Variants in TTC27 observed in about 807,000 individuals in gnomAD.
TTC27 encodes tetratricopeptide repeat protein 27.
TTC27 carries 79 observed loss-of-function variants against 115.9 expected under a neutral mutation model. The ratio of observed to expected loss-of-function variants is 0.68; its 90% confidence interval spans 0.57 to 0.82. The LOEUF (loss-of-function observed/expected upper bound fraction) is 0.82. Ranked by LOEUF, TTC27 falls within the 40% of genes least tolerant of loss-of-function variation. The probability of loss-of-function intolerance (pLI) is 0.00; values close to 1 mark genes in which losing one functional copy is unlikely to be tolerated. For synonymous variants in TTC27, 401 were observed against 356.0 expected (o/e 1.13, Z -1.42); for missense variants, 1,054 against 993.1 (o/e 1.06, Z -0.82).
At chr2:32,744,696 G>A (rs572798993) in intron 12 of TTC27, among the ~76,000 whole-genome samples, 1 of 152,270 alleles carries the variant, frequency 6.6e-6, no homozygotes, top group South Asian at 2.1e-4. Context: ...TGTTAGTTTA[G>A]CTTGTTCATG....
In TTC27 at chr2:32,811,053, T is replaced by A; in HGVS notation, c.2028T>A (p.Ile676=). The A allele has an allele frequency of 6.2e-7, 1 of 1,614,170 alleles. No individual in the cohort carries two copies. The highest frequency in any genetic ancestry group is 1.1e-5 in the South Asian group (1 of 91,078). ...TTAAAATTCTAGTCAGGGCAGTGAT[T>A]GATGGGATGACTGATCGAAGTGGAG... ...QVLKILVRAV[I]DGMTDRSGDV... The change falls in exon 17 of 20, where the codon ATT becomes ATA. Residue 676 remains isoleucine (I), a synonymous_variant. Transcript: ENST00000317907.
chr2:32,689,278 G>A (rs1666736944), intron 9 of TTC27, among the ~76,000 whole-genome samples: 1 of 152,054 alleles, frequency 6.6e-6, no homozygotes, highest in Admixed American at 6.6e-5. Flanking sequence ...TGTCAAAACA[G>A]GTCACAATAC....
At chr2:32,815,210 A>G (rs984526498) in intron 18 of TTC27, among the ~76,000 whole-genome samples, 13 of 136,362 alleles carry the variant, frequency 9.5e-5, no homozygotes, top group Non-Finnish European at 1.5e-4. Context: ...TAGAGGAGGC[A>G]CTGCTGCTTC....
rs114327773 is a variant in TTC27 at position 32,758,922 on chromosome 2, A to T, written c.1680+403A>T. Among the ~76,000 whole-genome samples the T allele has an allele frequency of 2.8e-3, 434 of 152,306 alleles. 3 individuals carry two copies. The highest frequency in any genetic ancestry group is 9.1e-3 in the African/African-American group (379 of 41,570). On this transcript the variant is annotated intron_variant, in intron 13 of 19. Transcript: ENST00000317907. ...AAAGAAAAACCTTTATATAAATAGG[A>T]TAGCATATAGAATGGATTCTTGATC...
At chr2:32,713,203 G>A (rs1001002323) in intron 10 of TTC27, among the ~76,000 whole-genome samples, 3 of 152,054 alleles carry the variant, frequency 2.0e-5, no homozygotes, top group African/African-American at 4.8e-5. Flanking sequence ...ATCTCTGCTC[G>A]TTATAGGTGA....
intron 13 of TTC27, among the ~76,000 whole-genome samples, chr2:32,767,714 G>T (rs573254520): frequency 6.6e-6 from 1 of 151,870 alleles, no homozygotes; most frequent in Admixed American, 6.5e-5. Flanking sequence ...ACCCGCCTCG[G>T]CCTCCCAAAG....
At chr2:32,634,918 A>G (rs1442344567) in intron 3 of TTC27, among the ~76,000 whole-genome samples, 1 of 152,036 alleles carries the variant, frequency 6.6e-6, no homozygotes, top group African/African-American at 2.4e-5. Context: ...CAGCCTCCCA[A>G]AGTGCTGGGT....
In TTC27 at chr2:32,712,705, G is replaced by A. The variant is rs1253329739; in HGVS notation, c.1233+9785G>A. Among the ~76,000 whole-genome samples the A allele has an allele frequency of 6.6e-5, 10 of 151,890 alleles. No individual in the cohort carries two copies. In the South Asian group the frequency reaches 8.3e-4, roughly 13 times the overall value. ...CCCAACTACAGGTGTGCGTCACCACGTCTGTCAATTTTTGTATTTTTTATA... is the reference window on the plus strand; with the variant it reads ...CCCAACTACAGGTGTGCGTCACCACATCTGTCAATTTTTGTATTTTTTATA... On this transcript the variant is annotated intron_variant, in intron 10 of 19. Coordinates refer to ENST00000317907, the MANE Select transcript of TTC27 (RefSeq NM_017735.5).
chr2:32,699,828 A>ACC (rs1667120879), intron 9 of TTC27, among the ~76,000 whole-genome samples: 2 of 152,244 alleles, frequency 1.3e-5, no homozygotes, highest in South Asian at 4.1e-4. Flanking sequence ...TCTTATTTTC[A>ACC]GTATTTAGTG....
At chr2:32,681,980 ATGTGTGTG>A (rs70938359) in intron 9 of TTC27, among the ~76,000 whole-genome samples, 2,709 of 89,956 alleles carry the variant, frequency 0.03, 41 homozygotes, top group Middle Eastern at 0.091. Context: ...ATGTATATAT[ATGTGTGTG>A]TGTGTGTGTG....
rs113989357 is a variant in TTC27 at position 32,664,330 on chromosome 2, A to T, written c.668A>T (p.Asp223Val). 3 of 1,606,422 alleles carry T rather than the reference A, an allele frequency of 1.9e-6. No homozygotes were observed. The Admixed American group carries it at 5.1e-5, about 27-fold the overall frequency. Reference protein sequence around the residue: ...QVMKLQNLFVDDSGRYLAIQF... With the variant: ...QVMKLQNLFVVDSGRYLAIQF... ...ATGAAACTACAGAATCTGTTTGTAG[A>T]TGATTCAGGTCGATATTTGGCTATT... The change falls in exon 6 of 20, where the codon GAT becomes GTT. Residue 223 changes from aspartate to valine, a missense_variant. By Grantham distance (152) the Asp-to-Val change is radical. Transcript: ENST00000317907.
intron 16 of TTC27, among the ~76,000 whole-genome samples, chr2:32,797,796 A>G (rs935326343): frequency 2.6e-5 from 4 of 152,246 alleles, no homozygotes; most frequent in Non-Finnish European, 5.9e-5. Context: ...TTTGTGCACC[A>G]AAAACAGTAT....
rs146318970 is a variant in TTC27 at position 32,637,093 on chromosome 2, A to G, written c.396+3088A>G. On this transcript the variant is annotated intron_variant, in intron 3 of 19. Transcript: ENST00000317907. ...TAAAAGAGCATATGAAATGTATACAATTTAAATAATAAATCTCCTTTGTAC... is the reference window on the plus strand; with the variant it reads ...TAAAAGAGCATATGAAATGTATACAGTTTAAATAATAAATCTCCTTTGTAC... Among the ~76,000 whole-genome samples the G allele has an allele frequency of 4.3e-4, 65 of 152,336 alleles. 2 individuals are homozygous for G. In the East Asian group the frequency reaches 0.012, roughly 28 times the overall value.
At chr2:32,685,021 T>C (rs1666582099) in intron 9 of TTC27, among the ~76,000 whole-genome samples, 1 of 146,958 alleles carries the variant, frequency 6.8e-6, no homozygotes, top group African/African-American at 2.5e-5. Flanking sequence ...TTTCCTTTTT[T>C]TTTTTTTTTT....
chr2:32,707,691 G>A (rs770055747), intron 10 of TTC27, among the ~76,000 whole-genome samples: 2 of 152,008 alleles, frequency 1.3e-5, no homozygotes, highest in Non-Finnish European at 2.9e-5. Flanking sequence ...AGTTTAGGTC[G>A]CTCTATTGAT....
At chr2:32,630,774 C>T (rs1664157394) in intron 2 of TTC27, 74 bp downstream of exon 2, 1 of 1,367,544 alleles carries the variant, frequency 7.3e-7, no homozygotes, top group East Asian at 2.4e-5. Flanking sequence ...GGGTAAGGCC[C>T]TGATTTTAGC....
At chr2:32,752,736 G>A (rs1669061330) in intron 12 of TTC27, among the ~76,000 whole-genome samples, 1 of 152,184 alleles carries the variant, frequency 6.6e-6, no homozygotes, top group Non-Finnish European at 1.5e-5. Flanking sequence ...AGTCTTATCA[G>A]ATATACTCTG....
chr2:32,641,750 C>T (rs1301880672), intron 4 of TTC27, among the ~76,000 whole-genome samples: 1 of 152,212 alleles, frequency 6.6e-6, no homozygotes, highest in Non-Finnish European at 1.5e-5. Context: ...GCGATCTCGG[C>T]TCACCACAAC....
At position 32,782,253 on chromosome 2, in the gene TTC27, A is replaced by T. The variant is rs138689393; in HGVS notation, c.1780-373A>T. 9.1e-4 allele frequency among the ~76,000 whole-genome samples: 139 copies of T among 152,332 alleles called. 5 individuals carry two copies. The East Asian group carries it at 0.021, about 23-fold the overall frequency. On this transcript the variant is annotated intron_variant, in intron 14 of 19. Coordinates refer to ENST00000317907, the MANE Select transcript of TTC27 (RefSeq NM_017735.5). The stretch of plus-strand genomic sequence containing the variant: ...CCCCTATCCGGTGAAGAAGGATGAC[A>T]GTATAATGGCAAAAATTTTTAAGAT...
Sources: allele counts gnomAD v4.1 joint callset (sites outside exome capture counted in the v4.1 genomes callset), GRCh38; gene constraint gnomAD v4.1.1; transcripts MANE v1.5; gene names NCBI Gene and HGNC (gene_info 2026-07-23, HGNC 2026-07-21).